COPG2: variants seen among roughly 807,000 people sequenced by gnomAD.
COPG2 encodes coat protein complex I subunit gamma 2.
A neutral mutation model predicts 46.3 loss-of-function variants in COPG2; 37 were observed. The observed-to-expected ratio is 0.80, with a 90% CI of 0.61 to 1.05. The LOEUF (loss-of-function observed/expected upper bound fraction) is 1.05, where lower values mean the gene tolerates loss of function less well. Ranked by LOEUF, COPG2 falls within the 50% of genes least tolerant of loss-of-function variation. COPG2 has a pLI of 0.00. For missense variants in COPG2, 427 were observed against 387.8 expected, an observed-to-expected ratio of 1.10 and a Z score of -0.85; for synonymous variants, 159 against 129.7, an observed-to-expected ratio of 1.23 and a Z score of -1.53.
intron 20 of COPG2, among the ~76,000 whole-genome samples, chr7:130,520,098 T>C (rs1799712430): frequency 6.6e-6 from 1 of 152,124 alleles, no homozygotes; most frequent in East Asian, 1.9e-4. Flanking sequence ...TGAGGACTGG[T>C]TGGGAATCAT....
chr7:130,620,066 T>C (rs1465398918), intron 5 of COPG2, among the ~76,000 whole-genome samples: 5 of 152,240 alleles, frequency 3.3e-5, no homozygotes, highest in Non-Finnish European at 7.3e-5. Flanking sequence ...TATTTTAATA[T>C]GTAGATTTAT....
At chr7:130,661,283 T>C (rs1419500408) in intron 4 of COPG2, among the ~76,000 whole-genome samples, 1 of 152,190 alleles carries the variant, frequency 6.6e-6, no homozygotes, top group Non-Finnish European at 1.5e-5. Context: ...ATGTCCAGCT[T>C]TTCTTCCCAA....
chr7:130,656,235 T>C (rs560971522), intron 4 of COPG2, among the ~76,000 whole-genome samples: 15 of 151,832 alleles, frequency 9.9e-5, no homozygotes, highest in Non-Finnish European at 2.2e-4. Flanking sequence ...CACAATTAGT[T>C]TGGAAGAGAA....
chr7:130,514,171 A>G (rs1239469306), intron 20 of COPG2, among the ~76,000 whole-genome samples: 1 of 151,960 alleles, frequency 6.6e-6, no homozygotes, highest in Non-Finnish European at 1.5e-5. Flanking sequence ...AGTAATGCGA[A>G]GCTTTTGTGA....
intron 9 of COPG2, among the ~76,000 whole-genome samples, chr7:130,568,717 A>G (rs1035928253): frequency 3.9e-5 from 6 of 152,328 alleles, no homozygotes; most frequent in African/African-American, 1.4e-4. Flanking sequence ...TGGACTTAAC[A>G]GATATTTACA....
intron 9 of COPG2, among the ~76,000 whole-genome samples, chr7:130,596,999 T>C (rs1395937830): frequency 6.6e-6 from 1 of 152,212 alleles, no homozygotes; most frequent in Non-Finnish European, 1.5e-5. Flanking sequence ...TGAAGTAGCA[T>C]ATGTATTAAT....
intron 9 of COPG2, chr7:130,607,382 T>A: frequency 2.4e-6 from 1 of 409,978 alleles, no homozygotes; most frequent in Non-Finnish European, 4.8e-6. Context: ...TTGCTTTTTC[T>A]CTTGGCTACT....
rs191236111 is a variant in COPG2 at position 130,619,452 on chromosome 7, T to C, written c.324-2387A>G. Reference sequence around the variant, plus strand: ...AACTTTAGATAAAAGAGTTAAGCTATGAAAGCAAAAAAATTAATGCACGTA... The same window carrying C: ...AACTTTAGATAAAAGAGTTAAGCTACGAAAGCAAAAAAATTAATGCACGTA... On this transcript the variant is annotated intron_variant, in intron 5 of 23. Coordinates refer to ENST00000425248, the MANE Select transcript of COPG2 (RefSeq NM_012133.6). 9.2e-5 allele frequency among the ~76,000 whole-genome samples: 14 copies of C among 152,300 alleles called. No homozygotes were observed. In the East Asian group the frequency reaches 1.3e-3, roughly 15 times the overall value.
intron 4 of COPG2, among the ~76,000 whole-genome samples, chr7:130,662,065 G>A (rs1236508001): frequency 2.0e-5 from 3 of 152,186 alleles, no homozygotes; most frequent in Non-Finnish European, 2.9e-5. Flanking sequence ...AGACTCTGAT[G>A]AAGCCAAGTA....
At chr7:130,541,048 G>A (rs1355193760) in intron 20 of COPG2, among the ~76,000 whole-genome samples, 2 of 152,206 alleles carry the variant, frequency 1.3e-5, no homozygotes, top group South Asian at 2.1e-4. Flanking sequence ...ATGGAGAGCC[G>A]GGCAGACACG....
At chr7:130,557,670 T>TGGTGGCG (rs1233880104) in intron 12 of COPG2, among the ~76,000 whole-genome samples, 3 of 151,452 alleles carry the variant, frequency 2.0e-5, no homozygotes, top group Non-Finnish European at 2.9e-5. Context: ...TAGCTGGGCA[T>TGGTGGCG]GGTGGCGGGT....
intron 9 of COPG2, among the ~76,000 whole-genome samples, chr7:130,591,712 A>T (rs1236966020): frequency 1.9e-4 from 21 of 108,732 alleles, no homozygotes; most frequent in South Asian, 9.8e-4. Flanking sequence ...CCAGCCGCCC[A>T]GTCCGGGAAG....
intron 5 of COPG2, among the ~76,000 whole-genome samples, chr7:130,637,577 G>A (rs11760491): frequency 4.6e-5 from 7 of 151,848 alleles, no homozygotes; most frequent in African/African-American, 1.7e-4. Context: ...GCTACATCAG[G>A]TTATTTATTT....
intron 20 of COPG2, among the ~76,000 whole-genome samples, chr7:130,540,531 G>C (rs1022017769): frequency 2.0e-5 from 3 of 152,028 alleles, no homozygotes; most frequent in Admixed American, 6.6e-5. Context: ...GGGTGGGGAG[G>C]CATTAAAAGA....
chr7:130,634,138 T>G (rs1295387421), intron 5 of COPG2, among the ~76,000 whole-genome samples: 3 of 152,226 alleles, frequency 2.0e-5, no homozygotes, highest in Admixed American at 6.5e-5. Context: ...TAGTATAGTT[T>G]GAAGTCAGGT....
At position 130,610,972 on chromosome 7, in the gene COPG2, G is replaced by A. The variant is rs527909307; in HGVS notation, c.718C>T (p.Leu240=). Residue 240 remains leucine (L), a synonymous_variant, in exon 9 of 24, where the codon CTA becomes TTA. Coordinates refer to ENST00000425248, the MANE Select transcript of COPG2 (RefSeq NM_012133.6). ...CMLIRIASRL[L]KETEDGHESP... ...ACTTACCCATCCTCAGTTTCTTTTA[G>A]TAAGCGACTGGCAATTCGGATCAGC... 2.5e-6 allele frequency: 4 copies of A among 1,613,910 alleles called. No homozygotes were observed. The highest frequency in any genetic ancestry group is 1.1e-5 in the South Asian group (1 of 91,086).
intron 20 of COPG2, among the ~76,000 whole-genome samples, chr7:130,526,309 T>C (rs947179271): frequency 8.6e-5 from 13 of 151,950 alleles, no homozygotes; most frequent in African/African-American, 3.1e-4. Context: ...CAGGTCAAAG[T>C]AGTGAGCACA....
rs1554457427 is a variant in COPG2, at chr7:130,642,180, A to G, written c.323+10689T>C. Among the ~76,000 whole-genome samples the G allele has an allele frequency of 2.0e-5, 3 of 152,062 alleles. No homozygotes were observed. In the South Asian group the frequency reaches 6.2e-4, roughly 31 times the overall value. On this transcript the variant is annotated intron_variant, in intron 5 of 23. Transcript: ENST00000425248. ...TCACATAAGGGTATGCCTTCTTGTA[A>G]TGAGTAGAACAGTAAAATCAGGTTG...
At chr7:130,553,376 A>C (rs1563042104) in intron 14 of COPG2, among the ~76,000 whole-genome samples, 1 of 151,678 alleles carries the variant, frequency 6.6e-6, no homozygotes, top group Non-Finnish European at 1.5e-5. Context: ...AATAGGCAGG[A>C]TATATGTGAG....
Sources: gnomAD v4.1 joint callset for allele counts (sites outside exome capture counted in the v4.1 genomes callset) on GRCh38, gnomAD v4.1.1 for gene constraint, MANE v1.5 for transcripts, NCBI Gene and HGNC (gene_info 2026-07-23, HGNC 2026-07-21) for gene names.